DPP10: variants seen among roughly 807,000 people sequenced by gnomAD.
The protein encoded by DPP10 is dipeptidyl peptidase like 10.
A neutral mutation model predicts 120.9 loss-of-function variants in DPP10; 33 were observed. That is an observed-to-expected ratio of 0.27 (90% CI 0.21 to 0.37). DPP10 has a LOEUF of 0.37. DPP10 is among the 10% of genes least tolerant of loss of function. The pLI, the probability that DPP10 is intolerant of heterozygous loss-of-function variation, is 1.00. For missense variants in DPP10, 816 were observed against 942.8 expected (o/e 0.87, Z 1.76); for synonymous variants, 337 against 326.1 (o/e 1.03, Z -0.36).
intron 2 of DPP10, among the ~76,000 whole-genome samples, chr2:115,331,664 G>C (rs1471015607): frequency 2.6e-5 from 4 of 152,142 alleles, no homozygotes; most frequent in Admixed American, 2.6e-4. Context: ...GGCCTTTTCT[G>C]CATCTATTGA....
At chr2:115,334,318 G>A (rs1253120542) in intron 2 of DPP10, among the ~76,000 whole-genome samples, 1 of 139,986 alleles carries the variant, frequency 7.1e-6, no homozygotes, top group Non-Finnish European at 1.5e-5. Context: ...TATATAGAAG[G>A]AAATCCCTAG....
At chr2:115,570,656 A>G (rs1276868659) in intron 5 of DPP10, among the ~76,000 whole-genome samples, 2 of 152,200 alleles carry the variant, frequency 1.3e-5, no homozygotes, top group Non-Finnish European at 2.9e-5. Flanking sequence ...ACATCCCAAC[A>G]GGAAAGTGCC....
At chr2:115,275,325 A>T (rs928231061) in intron 1 of DPP10, among the ~76,000 whole-genome samples, 1 of 152,166 alleles carries the variant, frequency 6.6e-6, no homozygotes, top group Non-Finnish European at 1.5e-5. Context: ...CCATCCATCT[A>T]TATATATAAC....
chr2:115,468,599 C>T (rs1475592619), intron 3 of DPP10: 3 of 390,432 alleles, frequency 7.7e-6, no homozygotes, highest in Non-Finnish European at 5.0e-6. Flanking sequence ...GAGTTCTGCA[C>T]TTGTGTGGCA....
intron 1 of DPP10, among the ~76,000 whole-genome samples, chr2:114,726,813 G>A (rs912475098): frequency 1.3e-5 from 2 of 152,184 alleles, no homozygotes; most frequent in East Asian, 3.9e-4. Flanking sequence ...ATTTTTTCCT[G>A]GGAATATTTC....
chr2:114,629,548 AATAAG>A (rs902054834), intron 1 of DPP10, among the ~76,000 whole-genome samples: 11 of 152,312 alleles, frequency 7.2e-5, no homozygotes, highest in African/African-American at 2.6e-4. Flanking sequence ...CTTTATTAAT[AATAAG>A]ATAAATATAA....
Position 114,767,716 on chromosome 2 carries a change from A to G in DPP10, c.60+324878A>G, listed in dbSNP as rs576420242. Among the ~76,000 whole-genome samples the G allele has an allele frequency of 3.9e-4, 59 of 152,308 alleles. 1 individual carries two copies. The South Asian group carries it at 7.0e-3, about 18-fold the overall frequency. ...GTCTTTGGGAGTAGGCCTAGACATA[A>G]GAACTTTTAATACTCACCATGTGAT... On this transcript the variant is annotated intron_variant, in intron 1 of 25. Coordinates refer to ENST00000410059, the MANE Select transcript of DPP10 (RefSeq NM_020868.6).
intron 1 of DPP10, among the ~76,000 whole-genome samples, chr2:115,164,435 C>A (rs1411622324): frequency 6.6e-6 from 1 of 151,466 alleles, no homozygotes; most frequent in East Asian, 1.9e-4. Context: ...TGTGTGTTTT[C>A]TATAATATTT....
intron 12 of DPP10, among the ~76,000 whole-genome samples, chr2:115,763,786 C>A (rs531524625): frequency 2.0e-5 from 3 of 152,264 alleles, no homozygotes; most frequent in African/African-American, 7.2e-5. Context: ...GAACTTTTCT[C>A]TCTTCTTTCT....
At chr2:115,828,552 A>T (rs569040291) in intron 21 of DPP10, among the ~76,000 whole-genome samples, 43 of 151,558 alleles carry the variant, frequency 2.8e-4, no homozygotes, top group East Asian at 1.2e-3. Flanking sequence ...TTTTTTTTTT[A>T]AAAGCATGCA....
chr2:114,811,263 A>C (rs912442629), intron 1 of DPP10, among the ~76,000 whole-genome samples: 1 of 152,208 alleles, frequency 6.6e-6, no homozygotes, highest in Admixed American at 6.5e-5. Flanking sequence ...TAGTCAATGA[A>C]TGGCAACATT....
At chr2:115,328,858 G>C (rs1435359748) in intron 2 of DPP10, among the ~76,000 whole-genome samples, 3 of 151,980 alleles carry the variant, frequency 2.0e-5, no homozygotes, top group African/African-American at 7.2e-5. Context: ...TAAATAAATG[G>C]AGTGATCTAA....
intron 1 of DPP10, among the ~76,000 whole-genome samples, chr2:114,779,767 G>A (rs1277699368): frequency 6.6e-6 from 1 of 152,152 alleles, no homozygotes; most frequent in African/African-American, 2.4e-5. Context: ...TATCAGGTGG[G>A]ATTTAGATAT....
intron 13 of DPP10, among the ~76,000 whole-genome samples, chr2:115,776,045 T>G: frequency 6.6e-6 from 1 of 152,142 alleles, no homozygotes; most frequent in East Asian, 1.9e-4. Context: ...GCATAATTGA[T>G]AATGGAGCAG....
intron 1 of DPP10, among the ~76,000 whole-genome samples, chr2:115,154,766 A>C (rs564426327): frequency 1.5e-3 from 230 of 152,220 alleles, no homozygotes; most frequent in African/African-American, 5.1e-3. Context: ...AGTTAACTCC[A>C]GTCCCCAACA....
At chr2:114,451,946 G>A (rs144413898) in intron 1 of DPP10, among the ~76,000 whole-genome samples, 2 of 152,086 alleles carry the variant, frequency 1.3e-5, no homozygotes, top group African/African-American at 4.8e-5. Flanking sequence ...AGAACAAAAG[G>A]TTTGTTCATT....
intron 7 of DPP10, among the ~76,000 whole-genome samples, chr2:115,724,326 T>A (rs931773587): frequency 3.3e-5 from 5 of 152,186 alleles, no homozygotes; most frequent in African/African-American, 9.6e-5. Flanking sequence ...GTGAATTTGC[T>A]GGTAGTTGTG....
intron 2 of DPP10, among the ~76,000 whole-genome samples, chr2:115,338,862 A>G (rs983464736): frequency 2.0e-5 from 3 of 152,188 alleles, no homozygotes; most frequent in African/African-American, 7.2e-5. Context: ...GGAAAAAGCC[A>G]TAGGAGAAAG....
rs910868635 is a variant in DPP10 at position 115,381,769 on chromosome 2, A to G, written c.271+37857A>G. On this transcript the variant is annotated intron_variant, in intron 3 of 25. Coordinates refer to ENST00000410059, the MANE Select transcript of DPP10 (RefSeq NM_020868.6). ...TTTCTGTTTGTTAGTTTTCCTTTTA[A>G]CAGACACAACCCTCAGCTGCAGGTC... Among the ~76,000 whole-genome samples the G allele has an allele frequency of 3.3e-5, 5 of 151,018 alleles. No homozygotes were observed. In the East Asian group the frequency reaches 5.9e-4, roughly 18 times the overall value.
Sources: allele counts gnomAD v4.1 joint callset (sites outside exome capture counted in the v4.1 genomes callset), GRCh38; gene constraint gnomAD v4.1.1; transcripts MANE v1.5; gene names NCBI Gene and HGNC (gene_info 2026-07-23, HGNC 2026-07-21).